PRKAR1A: variants seen among roughly 807,000 people sequenced by gnomAD.
PRKAR1A encodes the protein cAMP-dependent protein kinase type I-alpha regulatory subunit.
PRKAR1A carries 3 observed loss-of-function variants against 52.0 expected under a neutral mutation model. The observed-to-expected ratio is 0.06, with a 90% CI of 0.03 to 0.15. The LOEUF (loss-of-function observed/expected upper bound fraction) is 0.15. PRKAR1A is among the 10% of genes least tolerant of loss of function. The pLI is 1.00. For missense variants in PRKAR1A, 240 were observed against 477.4 expected (o/e 0.50, Z 4.63); for synonymous variants, 188 against 168.4 (o/e 1.12, Z -0.90).
chr17:68,478,942 G>C, the PRKAR1A span, among the ~76,000 whole-genome samples: 5 of 152,100 alleles, frequency 3.3e-5, no homozygotes, highest in Non-Finnish European at 5.9e-5. Flanking sequence ...TGGTCAGGCT[G>C]GTCTCGAACT....
At chr17:68,465,173 C>T in the PRKAR1A span, among the ~76,000 whole-genome samples, 13 of 151,910 alleles carry the variant, frequency 8.6e-5, no homozygotes, top group Admixed American at 3.9e-4. Flanking sequence ...ACCTCGTGAT[C>T]TGCCCGCCTC....
rs770972425 is a variant in PRKAR1A at position 68,548,192 on chromosome 17, G to A, written c.974-2892G>A. On this transcript the variant is annotated intron_variant, in intron 11 of 11. Coordinates refer to the PRKAR1A transcript ENST00000585981. ...GGCAATCACTTGAGGCCAGGAGATC[G>A]AGACCAGCCTGGCCAACACAGTGAA... Among the ~76,000 whole-genome samples, 56 of 152,250 alleles carry A rather than the reference G, an allele frequency of 3.7e-4. 1 individual carries two copies. Among genetic ancestry groups the A allele is most frequent in the Non-Finnish European group, 2.9e-4 (20 of 68,024 alleles).
At chr17:68,537,747 A>T, downstream of PRKAR1A, 1 of 1,608,110 alleles carries the variant, frequency 6.2e-7, no homozygotes, top group Non-Finnish European at 8.5e-7. The surrounding 1 kb of genome is among the most constrained non-coding windows in gnomAD (Gnocchi z 4.2). Context: ...TTATCCTGAA[A>T]AGACAAAGTT....
intron 11 of PRKAR1A, chr17:68,540,505 GCCCT>G (rs1394041481): frequency 3.1e-5 from 15 of 478,252 alleles, no homozygotes. Flanking sequence ...CTCGCCTGAG[GCCCT>G]CCCTGCTACA....
the PRKAR1A span, chr17:68,427,207 T>G: frequency 6.2e-7 from 1 of 1,614,236 alleles, no homozygotes; most frequent in Admixed American, 1.7e-5. Flanking sequence ...AAGGAAGGTC[T>G]GAGGTCATTT....
chr17:68,542,514 C>G (rs1365493984), intron 11 of PRKAR1A, among the ~76,000 whole-genome samples: 1 of 152,118 alleles, frequency 6.6e-6, no homozygotes, highest in Non-Finnish European at 1.5e-5. Flanking sequence ...CCTTTCCCAT[C>G]CAGTTCATCT....
At chr17:68,441,027 G>C in the PRKAR1A span, 2 of 152,194 alleles carry the variant, frequency 1.3e-5, 1 homozygote, top group South Asian at 4.1e-4. Context: ...ACCATGAACT[G>C]TTCAATGATC....
intron 2 of PRKAR1A, among the ~76,000 whole-genome samples, chr17:68,522,403 G>A (rs933121150): frequency 6.6e-6 from 1 of 152,116 alleles, no homozygotes; most frequent in African/African-American, 2.4e-5. Context: ...CCAATTTTCA[G>A]GATTTTGTCT....
At chr17:68,522,150 A>G (rs2085631903) in intron 2 of PRKAR1A, among the ~76,000 whole-genome samples, 2 of 152,098 alleles carry the variant, frequency 1.3e-5, no homozygotes, top group Non-Finnish European at 2.9e-5. Flanking sequence ...ATTTGTTTTT[A>G]TCTGGGATCA....
At chr17:68,438,566 G>A in the PRKAR1A span, among the ~76,000 whole-genome samples, 2 of 152,200 alleles carry the variant, frequency 1.3e-5, no homozygotes, top group African/African-American at 4.8e-5. Context: ...CCTTACAAAT[G>A]CAGTGTGTAA....
chr17:68,549,458 C>G (rs1019124088), intron 11 of PRKAR1A, among the ~76,000 whole-genome samples: 1 of 150,936 alleles, frequency 6.6e-6, no homozygotes, highest in African/African-American at 2.4e-5. Context: ...AGCGCCACTG[C>G]ACTCCAGCCT....
At chr17:68,486,557 CTT>C in the PRKAR1A span, among the ~76,000 whole-genome samples, 46 of 125,972 alleles carry the variant, frequency 3.7e-4, no homozygotes, top group African/African-American at 1.3e-3. Flanking sequence ...TTCTTTCTTT[CTT>C]TCTTTCTTTC....
the PRKAR1A span, among the ~76,000 whole-genome samples, chr17:68,449,714 C>G: frequency 2.0e-5 from 3 of 152,244 alleles, no homozygotes; most frequent in African/African-American, 7.2e-5. Flanking sequence ...TCCCCAGAAG[C>G]AGATGCTGCC....
At chr17:68,535,050 C>A (rs2143422595), downstream of PRKAR1A, 1 of 321,970 alleles carries the variant, frequency 3.1e-6, no homozygotes, top group South Asian at 2.6e-5. Context: ...CTTCCAAATG[C>A]CTCTTTCCAT....
chr17:68,439,685 A>G, the PRKAR1A span, among the ~76,000 whole-genome samples: 1 of 152,216 alleles, frequency 6.6e-6, no homozygotes, highest in African/African-American at 2.4e-5. Context: ...AGGAATATTT[A>G]TCTGGTTAGA....
At chr17:68,482,522 A>G in the PRKAR1A span, among the ~76,000 whole-genome samples, 1 of 152,246 alleles carries the variant, frequency 6.6e-6, no homozygotes, top group South Asian at 2.1e-4. Flanking sequence ...AAAAAAATAA[A>G]TATTTTAAAT....
In PRKAR1A at chr17:68,532,652, T is replaced by A. The variant is rs913242896; in HGVS notation, c.*2203T>A. 1 of 1,066,290 alleles carries A rather than the reference T, an allele frequency of 9.4e-7. No individual in the cohort carries two copies. The highest frequency in any genetic ancestry group is 1.1e-6 in the Non-Finnish European group (1 of 879,714). 66.1% of individuals were successfully genotyped at this position (1,066,290 alleles called of 1,614,324 possible). ...TATAGATGGCCAAAGGACCGTTTTG[T>A]ATTGCTTCCTGATTACCAGTCTGAT... On this transcript the variant is annotated 3_prime_UTR_variant, in exon 11 of 11. Transcript: ENST00000589228.
the PRKAR1A span, among the ~76,000 whole-genome samples, chr17:68,424,821 G>T: frequency 1.3e-5 from 2 of 150,498 alleles, no homozygotes; most frequent in Non-Finnish European, 3.0e-5. Context: ...AGGCTGCAGC[G>T]AGCCGAGATC....
the PRKAR1A span, chr17:68,451,002 C>T: frequency 7.0e-6 from 10 of 1,422,932 alleles, no homozygotes; most frequent in South Asian, 1.5e-5. Context: ...CAAAGGTTCT[C>T]CGGGTCTTGC....
Sources: allele counts gnomAD v4.1 joint callset (sites outside exome capture counted in the v4.1 genomes callset), GRCh38; gene constraint gnomAD v4.1.1; non-coding constraint Gnocchi (gnomAD v3.1); transcripts MANE v1.5; gene names NCBI Gene and HGNC (gene_info 2026-07-23, HGNC 2026-07-21).